PTPRD: variants seen among roughly 807,000 people sequenced by gnomAD.
PTPRD encodes the protein receptor-type tyrosine-protein phosphatase delta.
A neutral mutation model predicts 214.5 loss-of-function variants in PTPRD; 34 were observed. The observed-to-expected ratio is 0.16, with a 90% confidence interval of 0.12 to 0.21. PTPRD has a LOEUF of 0.21. Ranked by LOEUF, PTPRD falls within the 10% of genes least tolerant of loss-of-function variation. PTPRD has a pLI of 1.00. For synonymous variants in PTPRD, 1,128 were observed against 845.7 expected, an observed-to-expected ratio of 1.33 and a Z score of -5.79; for missense variants, 2,545 against 2,398.7, an observed-to-expected ratio of 1.06 and a Z score of -1.27.
intron 7 of PTPRD, among the ~76,000 whole-genome samples, chr9:9,623,718 C>T (rs909732810): frequency 1.3e-5 from 2 of 152,182 alleles, no homozygotes; most frequent in African/African-American, 4.8e-5. Flanking sequence ...GGTTCCATCC[C>T]AGATTTGCTG....
At chr9:9,324,325 G>A (rs201678086) in intron 9 of PTPRD, among the ~76,000 whole-genome samples, 1 of 152,034 alleles carries the variant, frequency 6.6e-6, no homozygotes, top group Non-Finnish European at 1.5e-5. Context: ...AAGCATTCCT[G>A]TTTCTCCACA....
At chr9:10,117,612 G>T (rs957035008) in intron 3 of PTPRD, among the ~76,000 whole-genome samples, 6 of 144,690 alleles carry the variant, frequency 4.1e-5, no homozygotes, top group Admixed American at 1.4e-4. Context: ...AAATCTCCCC[G>T]TTTTTTTTTT....
intron 9 of PTPRD, among the ~76,000 whole-genome samples, chr9:9,186,822 T>G (rs2099931916): frequency 6.6e-6 from 1 of 152,028 alleles, no homozygotes; most frequent in Admixed American, 6.6e-5. Context: ...GTGTTTTGCA[T>G]TAAAAGAGCA....
chr9:8,855,884 G>C (rs1364047567), intron 11 of PTPRD, among the ~76,000 whole-genome samples: 1 of 152,136 alleles, frequency 6.6e-6, no homozygotes, highest in Non-Finnish European at 1.5e-5. Context: ...CTGAATTCAT[G>C]AAACTGACCA....
intron 26 of PTPRD, among the ~76,000 whole-genome samples, chr9:8,495,122 C>G (rs1048445757): frequency 2.0e-5 from 3 of 152,176 alleles, no homozygotes; most frequent in Admixed American, 6.5e-5. Flanking sequence ...GACTTCCAAT[C>G]TGAGCTCCAG....
Position 10,168,779 on chromosome 9 carries a change from AT to A in PTPRD, c.-544-134990del, listed in dbSNP as rs748435536. 2.6e-3 allele frequency among the ~76,000 whole-genome samples: 398 copies of A among 152,332 alleles called. 2 individuals are homozygous for A. Among genetic ancestry groups the A allele is most frequent in the Admixed American group, 5.5e-3 (84 of 15,296 alleles). ...CAGACAAAAGTAAAACAAACTAGGA[AT>A]TTCAGTTCTCTTTCTGAAAAATGAA... On this transcript the variant is annotated intron_variant, in intron 3 of 45. Transcript: ENST00000381196.
chr9:8,507,932 A>C (rs1256568183), intron 21 of PTPRD, among the ~76,000 whole-genome samples: 1 of 152,194 alleles, frequency 6.6e-6, no homozygotes, highest in Admixed American at 6.5e-5. Context: ...CTAACAGGCA[A>C]ACAGAATCAC....
intron 4 of PTPRD, among the ~76,000 whole-genome samples, chr9:9,966,403 T>G (rs1211288232): frequency 6.6e-6 from 1 of 152,180 alleles, no homozygotes; most frequent in East Asian, 1.9e-4. Flanking sequence ...TAAAACTGTT[T>G]CTAAGGTAGG....
chr9:9,224,371 A>G (rs994276580), intron 9 of PTPRD, among the ~76,000 whole-genome samples: 2 of 152,046 alleles, frequency 1.3e-5, no homozygotes, highest in African/African-American at 2.4e-5. Flanking sequence ...GGTGGTTCTC[A>G]TTGCGTAAAC....
At chr9:10,603,875 A>T (rs1490379925) in intron 2 of PTPRD, among the ~76,000 whole-genome samples, 1 of 151,932 alleles carries the variant, frequency 6.6e-6, no homozygotes, top group Admixed American at 6.6e-5. Context: ...TAATCCCACT[A>T]CAAGAAGTGA....
chr9:10,022,465 C>G (rs1469599200), intron 4 of PTPRD, among the ~76,000 whole-genome samples: 1 of 151,534 alleles, frequency 6.6e-6, no homozygotes, highest in East Asian at 2.0e-4. Flanking sequence ...CTTTCATATT[C>G]AGGTGCTACC....
At chr9:9,841,237 G>A (rs183045859) in intron 5 of PTPRD, among the ~76,000 whole-genome samples, 6 of 152,176 alleles carry the variant, frequency 3.9e-5, no homozygotes, top group East Asian at 1.9e-4. Context: ...ATAAGGGTAC[G>A]TAATGTACAT....
intron 14 of PTPRD, among the ~76,000 whole-genome samples, chr9:8,587,548 C>T (rs1011468600): frequency 1.3e-5 from 2 of 152,230 alleles, no homozygotes; most frequent in Admixed American, 6.5e-5. Context: ...ATATAACCTT[C>T]TATATAATAT....
At chr9:10,002,953 T>A (rs1350614224) in intron 4 of PTPRD, among the ~76,000 whole-genome samples, 3 of 151,674 alleles carry the variant, frequency 2.0e-5, no homozygotes, top group Non-Finnish European at 3.0e-5. Flanking sequence ...TCAACATATT[T>A]AAAATAATTA....
intron 8 of PTPRD, among the ~76,000 whole-genome samples, chr9:9,434,206 A>G (rs902968242): frequency 1.3e-5 from 2 of 152,198 alleles, no homozygotes; most frequent in Non-Finnish European, 2.9e-5. Context: ...GTTTGTACAA[A>G]CAGTGCCTAG....
At chr9:8,833,361 G>A (rs2097337912) in intron 11 of PTPRD, among the ~76,000 whole-genome samples, 1 of 151,996 alleles carries the variant, frequency 6.6e-6, no homozygotes, top group Admixed American at 6.6e-5. Flanking sequence ...AAAAGTAACA[G>A]GCAGAGAAAT....
chr9:9,779,482 A>G (rs887298645), intron 5 of PTPRD, among the ~76,000 whole-genome samples: 3 of 152,328 alleles, frequency 2.0e-5, no homozygotes, highest in African/African-American at 4.8e-5. Context: ...TCCGGAATGT[A>G]TAAGAAACTT....
Position 9,360,174 on chromosome 9 carries a change from G to A in PTPRD, c.-203+37275C>T, listed in dbSNP as rs142493382. On this transcript the variant is annotated intron_variant, in intron 9 of 45. Transcript: ENST00000381196. ...TGGAAGTGATTCTAAAAATCTGACAGTTGTTTGATATTTTTCATTTTGAGC... is the reference window on the plus strand; with the variant it reads ...TGGAAGTGATTCTAAAAATCTGACAATTGTTTGATATTTTTCATTTTGAGC... Among the ~76,000 whole-genome samples, 24 of 150,950 alleles carry A rather than the reference G, an allele frequency of 1.6e-4. 1 individual carries two copies. In the East Asian group the frequency reaches 4.7e-3, roughly 30 times the overall value.
intron 8 of PTPRD, among the ~76,000 whole-genome samples, chr9:9,436,944 G>A (rs571243390): frequency 5.0e-4 from 76 of 151,166 alleles, no homozygotes; most frequent in Non-Finnish European, 9.6e-4. Context: ...TATGAATAAA[G>A]AATGTCAGGA....
Sources: gnomAD v4.1 joint callset for allele counts (sites outside exome capture counted in the v4.1 genomes callset) on GRCh38, gnomAD v4.1.1 for gene constraint, MANE v1.5 for transcripts, NCBI Gene and HGNC (gene_info 2026-07-23, HGNC 2026-07-21) for gene names.